Variants in SPMIP7 observed in about 807,000 individuals in gnomAD.
The protein encoded by SPMIP7 is sperm microtubule inner protein 7.
At chr7:50,130,427 C>A in the SPMIP7 span, among the ~76,000 whole-genome samples, 845 of 152,164 alleles carry the variant, frequency 5.6e-3, 9 homozygotes, top group African/African-American at 0.019. Context: ...GACTTATTCA[C>A]TACCACGAGA....
the SPMIP7 span, among the ~76,000 whole-genome samples, chr7:50,105,781 G>T: frequency 6.6e-6 from 1 of 152,108 alleles, no homozygotes; most frequent in Non-Finnish European, 1.5e-5. Context: ...TAATGTGATT[G>T]CAAGGGTAAT....
chr7:50,131,625 C>T, the SPMIP7 span, among the ~76,000 whole-genome samples: 18 of 152,060 alleles, frequency 1.2e-4, no homozygotes, highest in Admixed American at 8.5e-4. Flanking sequence ...AGCCAGCAAT[C>T]GAGACTGAAA....
chr7:50,119,516 A>G, the SPMIP7 span, among the ~76,000 whole-genome samples: 1 of 152,182 alleles, frequency 6.6e-6, no homozygotes, highest in Non-Finnish European at 1.5e-5. Flanking sequence ...AGAAACCAAA[A>G]CAATTGTTAA....
At chr7:50,103,066 A>AAT in the SPMIP7 span, among the ~76,000 whole-genome samples, 2,335 of 135,994 alleles carry the variant, frequency 0.017, 72 homozygotes, top group African/African-American at 0.058. Flanking sequence ...ATATATATAT[A>AAT]ATATATATAA....
the SPMIP7 span, among the ~76,000 whole-genome samples, chr7:50,104,099 A>G: frequency 6.6e-6 from 1 of 152,226 alleles, no homozygotes; most frequent in East Asian, 1.9e-4. Flanking sequence ...AGTAAGAAAT[A>G]ACAAGTGATT....
chr7:50,104,200 TA>T, the SPMIP7 span: 2 of 433,196 alleles, frequency 4.6e-6, no homozygotes, highest in Non-Finnish European at 4.2e-6. Flanking sequence ...AATAATCCAT[TA>T]AAAAATGAAT....
At chr7:50,154,999 C>T in the SPMIP7 span, among the ~76,000 whole-genome samples, 8 of 152,108 alleles carry the variant, frequency 5.3e-5, no homozygotes, top group Non-Finnish European at 8.8e-5. Context: ...TGGGGACATG[C>T]CTGTTCAGGT....
chr7:50,103,046 T>C, the SPMIP7 span, among the ~76,000 whole-genome samples: 2 of 44,448 alleles, frequency 4.5e-5, no homozygotes, highest in South Asian at 6.0e-4. Context: ...TATAAGATCA[T>C]ATATTTTATA....
chr7:50,113,490 G>A, the SPMIP7 span, among the ~76,000 whole-genome samples: 1 of 152,044 alleles, frequency 6.6e-6, no homozygotes, highest in African/African-American at 2.4e-5. Flanking sequence ...TGAGAACAAG[G>A]GATGATATGA....
chr7:50,144,663 T>C, the SPMIP7 span, among the ~76,000 whole-genome samples: 1 of 152,188 alleles, frequency 6.6e-6, no homozygotes, highest in Non-Finnish European at 1.5e-5. Context: ...TTGGTAGGCA[T>C]GCCCAGTTAC....
At chr7:50,126,187 A>T in the SPMIP7 span, among the ~76,000 whole-genome samples, 127,082 of 151,904 alleles carry the variant, frequency 0.84, 53,209 homozygotes, top group East Asian at 0.92. Flanking sequence ...CTATTGTTAG[A>T]CTGATCGAGA....
chr7:50,136,103 T>C, the SPMIP7 span: 35 of 1,550,072 alleles, frequency 2.3e-5, 1 homozygote, highest in Middle Eastern at 1.0e-3. Flanking sequence ...TTTAGATGGT[T>C]GGTGAGCTCT....
the SPMIP7 span, among the ~76,000 whole-genome samples, chr7:50,097,798 A>G: frequency 6.6e-6 from 1 of 152,124 alleles, no homozygotes; most frequent in Non-Finnish European, 1.5e-5. Context: ...GAAGTCCAAA[A>G]TTTTCAGTTT....
chr7:50,104,202 A>G, the SPMIP7 span: 1 of 436,244 alleles, frequency 2.3e-6, no homozygotes, highest in African/African-American at 2.0e-5. Flanking sequence ...TAATCCATTA[A>G]AAAATGAATT....
the SPMIP7 span, among the ~76,000 whole-genome samples, chr7:50,105,469 C>A: frequency 6.6e-6 from 1 of 152,114 alleles, no homozygotes; most frequent in South Asian, 2.1e-4. Context: ...ATGTTGATTT[C>A]TTTTTTTCTC....
At chr7:50,109,278 T>G in the SPMIP7 span, among the ~76,000 whole-genome samples, 1 of 152,208 alleles carries the variant, frequency 6.6e-6, no homozygotes, top group Admixed American at 6.5e-5. Context: ...ACTTCATTCA[T>G]GAAATAAATA....
chr7:50,136,100 G>A, the SPMIP7 span: 6 of 1,549,146 alleles, frequency 3.9e-6, no homozygotes, highest in Non-Finnish European at 5.2e-6. Flanking sequence ...ATTTTTAGAT[G>A]GTTGGTGAGC....
At chr7:50,121,022 C>A in the SPMIP7 span, among the ~76,000 whole-genome samples, 2 of 152,138 alleles carry the variant, frequency 1.3e-5, no homozygotes, top group Non-Finnish European at 1.5e-5. Context: ...AGTGGCCTCC[C>A]TCCTGTGTTA....
chr7:50,124,753 G>C, the SPMIP7 span, among the ~76,000 whole-genome samples: 1 of 152,048 alleles, frequency 6.6e-6, no homozygotes, highest in Non-Finnish European at 1.5e-5. Flanking sequence ...AGCCTTATTT[G>C]CTTACCTTAG....
Sources: gnomAD v4.1 joint callset for allele counts (sites outside exome capture counted in the v4.1 genomes callset) on GRCh38, gnomAD v4.1.1 for gene constraint, MANE v1.5 for transcripts, NCBI Gene and HGNC (gene_info 2026-07-23, HGNC 2026-07-21) for gene names.